Variants in ZNF536 observed in about 807,000 individuals in gnomAD.
The protein encoded by ZNF536 is zinc finger protein 536.
In ZNF536, 13 loss-of-function variants were observed where a neutral mutation model predicts 84.5. The ratio of observed to expected loss-of-function variants is 0.15; its 90% CI spans 0.10 to 0.24. The LOEUF (loss-of-function observed/expected upper bound fraction) is 0.24, where lower values mean the gene tolerates loss of function less well. ZNF536 is among the 10% of genes least tolerant of loss of function. ZNF536 has a pLI of 1.00. For synonymous variants in ZNF536, 811 were observed against 742.5 expected, an observed-to-expected ratio of 1.09 and a Z score of -1.50; for missense variants, 1,536 against 1,747.5, an observed-to-expected ratio of 0.88 and a Z score of 2.16.
intron 2 of ZNF536, among the ~76,000 whole-genome samples, chr19:30,304,067 G>T (rs983507382): frequency 6.6e-6 from 1 of 152,136 alleles, no homozygotes; most frequent in Non-Finnish European, 1.5e-5. Context: ...TCCCGCTCAG[G>T]GTCTTAAGAG....
chr19:30,532,999 A>C (rs939508054), intron 2 of ZNF536, among the ~76,000 whole-genome samples: 11 of 152,198 alleles, frequency 7.2e-5, no homozygotes, highest in African/African-American at 2.4e-4. Flanking sequence ...GGATGAGCCT[A>C]ACTTCCTACT....
intron 2 of ZNF536, among the ~76,000 whole-genome samples, chr19:30,505,518 G>A (rs1305216359): frequency 1.3e-5 from 2 of 150,096 alleles, no homozygotes; most frequent in East Asian, 3.9e-4. Context: ...ATATTAGATA[G>A]CCAAAGATGT....
At chr19:30,342,946 C>G (rs2047610822) in intron 2 of ZNF536, among the ~76,000 whole-genome samples, 1 of 152,248 alleles carries the variant, frequency 6.6e-6, no homozygotes, top group African/African-American at 2.4e-5. Flanking sequence ...CTGTCTCAAT[C>G]ATGCCTGGCT....
At chr19:30,499,365 G>A (rs1484932133) in intron 2 of ZNF536, among the ~76,000 whole-genome samples, 1 of 152,040 alleles carries the variant, frequency 6.6e-6, no homozygotes, top group African/African-American at 2.4e-5. Context: ...ATCTGTGTTT[G>A]TATGAATGTA....
chr19:30,567,387 C>T (rs1210914140), intron 1 of ZNF536, among the ~76,000 whole-genome samples: 1 of 152,322 alleles, frequency 6.6e-6, no homozygotes, highest in Middle Eastern at 3.4e-3. Context: ...GAGCTCTCCT[C>T]CTATCCCCTC....
At chr19:30,470,569 C>T (rs1038718520) in intron 2 of ZNF536, among the ~76,000 whole-genome samples, 2 of 151,612 alleles carry the variant, frequency 1.3e-5, no homozygotes, top group African/African-American at 2.4e-5. Context: ...CATATGCCTC[C>T]GACCCCACAC....
chr19:30,571,227 C>T (rs1599845897), intron 1 of ZNF536, among the ~76,000 whole-genome samples: 2 of 152,030 alleles, frequency 1.3e-5, no homozygotes, highest in Non-Finnish European at 2.9e-5. Context: ...TGGGCTGGTT[C>T]GCTCAAAAGT....
intron 1 of ZNF536, among the ~76,000 whole-genome samples, chr19:30,652,130 G>A (rs976601371): frequency 1.3e-5 from 2 of 152,128 alleles, no homozygotes; most frequent in Non-Finnish European, 2.9e-5. Flanking sequence ...CTCATATAAA[G>A]TAATGATCCA....
intron 1 of ZNF536, among the ~76,000 whole-genome samples, chr19:30,677,188 C>G (rs113983221): frequency 2.0e-5 from 3 of 152,356 alleles, no homozygotes; most frequent in African/African-American, 7.2e-5. Flanking sequence ...CCAGCTGGAT[C>G]TGTGCTGAAA....
Position 30,249,007 on chromosome 19 carries a change from G to A in ZNF536, c.-190+20334G>A, listed in dbSNP as rs371548608. On this transcript the variant is annotated intron_variant, in intron 1 of 5. Transcript: ENST00000585628. ...AGATCCTTGGTTGTGCATAATTAATGCGTCGTTCAGCATTTGACTTTTGTG... is the reference window on the plus strand; with the variant it reads ...AGATCCTTGGTTGTGCATAATTAATACGTCGTTCAGCATTTGACTTTTGTG... 1.1e-4 allele frequency among the ~76,000 whole-genome samples: 16 copies of A among 152,326 alleles called. No individual in the cohort carries two copies. In the South Asian group the frequency reaches 3.3e-3, roughly 32 times the overall value.
At chr19:30,610,987 T>C (rs1370716388) in intron 1 of ZNF536, among the ~76,000 whole-genome samples, 1 of 152,220 alleles carries the variant, frequency 6.6e-6, no homozygotes, top group Non-Finnish European at 1.5e-5. Flanking sequence ...ATTCGCTCAG[T>C]TGTGGCATTT....
At chr19:30,713,274 A>G (rs904710050) in exon 2 of ZNF536, 1 of 152,192 alleles carries the variant, frequency 6.6e-6, no homozygotes, top group Admixed American at 6.5e-5. Flanking sequence ...TCAGGTTCTC[A>G]TATCTAAACA....
At chr19:30,702,994 G>T (rs1042592068) in intron 1 of ZNF536, among the ~76,000 whole-genome samples, 9 of 152,334 alleles carry the variant, frequency 5.9e-5, no homozygotes, top group African/African-American at 2.2e-4. Flanking sequence ...GCTTCTGCTA[G>T]CAGCCAGACT....
At chr19:30,567,909 C>G (rs868044702) in intron 1 of ZNF536, among the ~76,000 whole-genome samples, 4 of 152,058 alleles carry the variant, frequency 2.6e-5, no homozygotes, top group Non-Finnish European at 5.9e-5. Context: ...GGATCTTAGG[C>G]CTTTGAGGCT....
intron 1 of ZNF536, among the ~76,000 whole-genome samples, chr19:30,243,210 T>C (rs2024056885): frequency 6.6e-6 from 1 of 152,222 alleles, no homozygotes; most frequent in African/African-American, 2.4e-5. Flanking sequence ...GGAACAGCTT[T>C]TTTTTTCTAA....
chr19:30,225,807 G>T (rs1213163715), upstream of ZNF536, among the ~76,000 whole-genome samples: 1 of 150,754 alleles, frequency 6.6e-6, no homozygotes, highest in Non-Finnish European at 1.5e-5. Flanking sequence ...TCTTGGCGCG[G>T]CCCCCCCGTC....
Position 30,548,474 on chromosome 19 carries a change from T to C in ZNF536, c.2855T>C (p.Val952Ala). The part of the protein sequence containing the change: ...ADPPSMKVHG[V>A]DGGEEKPSGK... ...CCCCCTTCCATGAAAGTCCACGGAG[T>C]GGATGGTGGTGAGGAGAAACCCAGT... The change falls in exon 4 of 5, where the codon GTG becomes GCG. Residue 952 changes from valine (V) to alanine (A), a missense_variant. Around this residue, in one of 8 missense-constraint regions of ZNF536, gnomAD observed 624 missense variants for 603.1 expected, o/e 1.03. Coordinates refer to ENST00000355537, the MANE Select transcript of ZNF536 (RefSeq NM_014717.3). 2 of 1,613,704 alleles carry C rather than the reference T, an allele frequency of 1.2e-6. No individual in the cohort carries two copies. The highest frequency in any genetic ancestry group is 1.1e-5 in the South Asian group (1 of 91,062).
chr19:30,613,082 C>A (rs950028697), intron 1 of ZNF536, among the ~76,000 whole-genome samples: 1 of 152,142 alleles, frequency 6.6e-6, no homozygotes, highest in Admixed American at 6.5e-5. Context: ...TCAATTGTAC[C>A]AAAGATGCCA....
chr19:30,236,963 A>G (rs1262438922), intron 1 of ZNF536, among the ~76,000 whole-genome samples: 1 of 152,136 alleles, frequency 6.6e-6, no homozygotes, highest in Non-Finnish European at 1.5e-5. Context: ...GCATTTTGAC[A>G]TTCTGCTCCT....
Sources: gnomAD v4.1 joint callset for allele counts (sites outside exome capture counted in the v4.1 genomes callset) on GRCh38, gnomAD v4.1.1 for gene constraint, gnomAD v4.1.1 regional missense constraint, MANE v1.5 for transcripts, NCBI Gene and HGNC (gene_info 2026-07-23, HGNC 2026-07-21) for gene names.